The following CTNNA3 variants were observed in gnomAD, a reference collection of about 807,000 sequenced individuals.
CTNNA3 encodes the protein catenin alpha 3, also known as catenin alpha-3.
Under a neutral mutation model 95.7 loss-of-function variants are expected in CTNNA3, and 76 were observed. The observed-to-expected ratio is 0.79, with a 90% CI of 0.66 to 0.96. The LOEUF is 0.96. CTNNA3 is among the 40% of genes least tolerant of loss of function. The pLI is 0.00. For synonymous variants in CTNNA3, 431 were observed against 374.4 expected (o/e 1.15, Z -1.74); for missense variants, 1,191 against 1,089.8 (o/e 1.09, Z -1.31).
intron 7 of CTNNA3, among the ~76,000 whole-genome samples, chr10:66,864,571 T>C (rs1488100852): frequency 3.3e-5 from 5 of 152,180 alleles, no homozygotes; most frequent in Non-Finnish European, 4.4e-5. Context: ...AAAGAAATTA[T>C]TCTGATAATT....
intron 7 of CTNNA3, among the ~76,000 whole-genome samples, chr10:67,024,534 G>C (rs879604858): frequency 1.3e-5 from 2 of 152,166 alleles, no homozygotes; most frequent in Admixed American, 1.3e-4. Context: ...CCTACCATAA[G>C]ACCACGTTAA....
At chr10:67,461,794 A>G (rs752457711) in intron 5 of CTNNA3, among the ~76,000 whole-genome samples, 6 of 152,188 alleles carry the variant, frequency 3.9e-5, no homozygotes, top group Non-Finnish European at 7.3e-5. Context: ...TAAAAACATC[A>G]TGTATGTTTC....
chr10:66,171,016 C>T (rs2085397169), intron 13 of CTNNA3, among the ~76,000 whole-genome samples: 1 of 151,886 alleles, frequency 6.6e-6, no homozygotes, highest in Non-Finnish European at 1.5e-5. Flanking sequence ...ACCTATAATC[C>T]CAGCTACTTG....
intron 7 of CTNNA3, among the ~76,000 whole-genome samples, chr10:66,852,751 T>C (rs1843541276): frequency 6.6e-6 from 1 of 152,292 alleles, no homozygotes; most frequent in East Asian, 1.9e-4. Context: ...TAAGTTTACA[T>C]AAAAATCTCA....
At chr10:66,614,059 T>C (rs1446019194) in intron 10 of CTNNA3, among the ~76,000 whole-genome samples, 1 of 152,102 alleles carries the variant, frequency 6.6e-6, no homozygotes, top group Admixed American at 6.6e-5. Flanking sequence ...AAAGAGATAG[T>C]CTAATGCTCT....
At chr10:66,066,011 A>AT (rs1478455813) in intron 15 of CTNNA3, among the ~76,000 whole-genome samples, 1 of 151,920 alleles carries the variant, frequency 6.6e-6, no homozygotes, top group Non-Finnish European at 1.5e-5. Context: ...TTACAGGTGC[A>AT]TGCCACCACA....
intron 13 of CTNNA3, among the ~76,000 whole-genome samples, chr10:66,246,992 G>A (rs2090355999): frequency 1.3e-5 from 2 of 149,484 alleles, no homozygotes; most frequent in Non-Finnish European, 2.9e-5. Context: ...GGAGGTTGCA[G>A]TGAGCCAAGA....
chr10:65,963,456 A>G (rs947898019), intron 17 of CTNNA3, among the ~76,000 whole-genome samples: 1 of 152,178 alleles, frequency 6.6e-6, no homozygotes. Context: ...CCAAGGCCCA[A>G]AACAGGTTTG....
chr10:66,699,176 T>C (rs1213002991), intron 9 of CTNNA3, among the ~76,000 whole-genome samples: 1 of 152,164 alleles, frequency 6.6e-6, no homozygotes, highest in Non-Finnish European at 1.5e-5. Context: ...TTGCAATGAA[T>C]GTAGGAGTGC....
chr10:66,176,203 T>G (rs1267730290), intron 13 of CTNNA3, among the ~76,000 whole-genome samples: 5 of 152,006 alleles, frequency 3.3e-5, no homozygotes, highest in African/African-American at 4.8e-5. Flanking sequence ...TGTGAAAGAG[T>G]ATAATTATAC....
chr10:66,377,887 G>A lies in CTNNA3; in HGVS notation c.1732+1265C>T, dbSNP rs548125765. Among the ~76,000 whole-genome samples, 9 of 152,100 alleles carry A rather than the reference G, an allele frequency of 5.9e-5. No individual in the cohort carries two copies. In the South Asian group the frequency reaches 1.2e-3, roughly 21 times the overall value. On this transcript the variant is annotated intron_variant, in intron 12 of 17. Transcript: ENST00000433211. Reference sequence around the variant, plus strand: ...AACTACTATGTGCCCTATTGATACCGGTGACTTTGAGGAGTGGATATAGCA... The same window carrying A: ...AACTACTATGTGCCCTATTGATACCAGTGACTTTGAGGAGTGGATATAGCA...
chr10:67,720,164 G>A (rs1246759345), intron 1 of CTNNA3, among the ~76,000 whole-genome samples: 1 of 14,372 alleles, frequency 7.0e-5, no homozygotes, highest in East Asian at 6.2e-4. Context: ...CTGTCCAATT[G>A]CTTGGTAAAT....
At chr10:66,397,831 G>A (rs1191686501) in intron 11 of CTNNA3, among the ~76,000 whole-genome samples, 6 of 151,796 alleles carry the variant, frequency 4.0e-5, no homozygotes, top group Admixed American at 1.3e-4. Context: ...GGATCAGACT[G>A]ATCACAATGT....
At chr10:66,685,325 GTA>G (rs1564617459) in intron 9 of CTNNA3, among the ~76,000 whole-genome samples, 720 of 29,916 alleles carry the variant, frequency 0.024, 9 homozygotes, top group Non-Finnish European at 0.029. Flanking sequence ...GTGTATGTGT[GTA>G]TATATATATA....
chr10:66,922,151 T>A (rs1217438440), intron 7 of CTNNA3, among the ~76,000 whole-genome samples: 1 of 152,224 alleles, frequency 6.6e-6, no homozygotes, highest in African/African-American at 2.4e-5. Context: ...CATGACACTA[T>A]TTTTATAATT....
chr10:65,933,802 T>C (rs1461854041), intron 17 of CTNNA3, among the ~76,000 whole-genome samples: 2 of 152,218 alleles, frequency 1.3e-5, no homozygotes, highest in Non-Finnish European at 2.9e-5. Flanking sequence ...TTGATAATGA[T>C]AACCTGATTT....
chr10:66,979,564 G>A (rs544056711), intron 7 of CTNNA3, among the ~76,000 whole-genome samples: 41 of 152,044 alleles, frequency 2.7e-4, no homozygotes, highest in Non-Finnish European at 4.7e-4. Flanking sequence ...CCATACTTCT[G>A]GCCATGCGAC....
intron 1 of CTNNA3, among the ~76,000 whole-genome samples, chr10:67,673,406 G>C (rs1051145586): frequency 6.6e-6 from 1 of 150,982 alleles, no homozygotes; most frequent in Non-Finnish European, 1.5e-5. Context: ...TGTTGAATAG[G>C]AGTGGTGAGA....
intron 7 of CTNNA3, among the ~76,000 whole-genome samples, chr10:66,801,788 GA>G (rs762086589): frequency 4.0e-5 from 6 of 151,498 alleles, no homozygotes; most frequent in Non-Finnish European, 8.9e-5. Context: ...AAGAATCTAG[GA>G]TGGACAAAAG....
Sources: gnomAD v4.1 joint callset for allele counts (sites outside exome capture counted in the v4.1 genomes callset) on GRCh38, gnomAD v4.1.1 for gene constraint, MANE v1.5 for transcripts, NCBI Gene and HGNC (gene_info 2026-07-23, HGNC 2026-07-21) for gene names.